The following INAVA variants were observed in gnomAD, a reference collection of about 807,000 sequenced individuals.
The protein encoded by INAVA is innate immunity activator, also known as innate immunity activator protein.
INAVA carries 32 observed loss-of-function variants against 55.3 expected under a neutral mutation model. The ratio of observed to expected loss-of-function variants is 0.58; its 90% CI spans 0.44 to 0.78. The LOEUF is 0.78. INAVA is among the 30% of genes least tolerant of loss of function. INAVA has a pLI of 0.00. For synonymous variants in INAVA, 294 were observed against 329.4 expected, an observed-to-expected ratio of 0.89 and a Z score of 1.16; for missense variants, 756 against 786.4, an observed-to-expected ratio of 0.96 and a Z score of 0.46.
At position 200,908,710 on chromosome 1, in the gene INAVA, G is replaced by A; in HGVS notation, c.575-20G>A. ...GTTCCCCCAGCCTCTGGCCTTACCAGGTTTCTTTTACTCCTGCAGAGGAAT... is the reference window on the plus strand; with the variant it reads ...GTTCCCCCAGCCTCTGGCCTTACCAAGTTTCTTTTACTCCTGCAGAGGAAT... On this transcript the variant is annotated intron_variant, in intron 6 of 9. Transcript: ENST00000413687. 6.5e-7 allele frequency: 1 copy of A among 1,530,334 alleles called. No homozygotes were observed. The highest frequency in any genetic ancestry group is 8.8e-7 in the Non-Finnish European group (1 of 1,139,368). The allele number at this position is 1,530,334 out of a possible 1,614,324, so 94.8% of individuals were successfully genotyped here.
chr1:200,902,047 G>A (rs1002788703), intron 5 of INAVA, among the ~76,000 whole-genome samples: 3 of 152,054 alleles, frequency 2.0e-5, no homozygotes, highest in South Asian at 2.1e-4. Flanking sequence ...TCTGCCCCCC[G>A]TCTCTCACAT....
chr1:200,908,771 C>T lies in INAVA; in HGVS notation c.616C>T (p.Pro206Ser). The T allele has an allele frequency of 6.2e-7, 1 of 1,608,324 alleles. No individual in the cohort carries two copies. Among genetic ancestry groups the T allele is most frequent in the African/African-American group, 1.3e-5 (1 of 74,732 alleles). ...AAAACCTCCTCCAGAGTCTCCAGCC[C>T]CACCTTCTCGGCCTCTCCCACCCCA... ...VPKPPPESPA[P>S]PSRPLPPQTL... is the part of the protein sequence containing the mutation. The change falls in exon 7 of 10, where the codon CCA becomes TCA. Residue 206 changes from proline to serine, a missense_variant. Coordinates refer to ENST00000413687, the MANE Select transcript of INAVA (RefSeq NM_001142569.3).
chr1:200,909,014 A>G lies in INAVA; in HGVS notation c.785+74A>G, dbSNP rs6680980. ...TGGGAGCTATGCTGGGGATGGCTATAGGCTGGGCAGATGGAAAAGTGGAAA... is the reference window on the plus strand; with the variant it reads ...TGGGAGCTATGCTGGGGATGGCTATGGGCTGGGCAGATGGAAAAGTGGAAA... On this transcript the variant is annotated intron_variant, in intron 7 of 9. Coordinates refer to ENST00000413687, the MANE Select transcript of INAVA (RefSeq NM_001142569.3). 6.7e-3 allele frequency: 9,685 copies of G among 1,454,166 alleles called. 425 individuals carry two copies. In the African/African-American group the frequency reaches 0.1, roughly 15 times the overall value. The allele number at this position is 1,454,166 out of a possible 1,614,324, so 90.1% of individuals were successfully genotyped here. A position where few individuals can be genotyped will look rare whatever the true frequency, so the allele number is the denominator to read the frequency against.
At chr1:200,902,754 C>T (rs1246920560) in intron 5 of INAVA, among the ~76,000 whole-genome samples, 1 of 152,262 alleles carries the variant, frequency 6.6e-6, no homozygotes, top group African/African-American at 2.4e-5. Flanking sequence ...TCCAGCCTCA[C>T]ACTGCTCAGC....
rs140358695 is a variant in INAVA at position 200,912,940 on chromosome 1, C to G, written c.1645-597C>G. Among the ~76,000 whole-genome samples the G allele has an allele frequency of 4.1e-3, 621 of 152,178 alleles. 2 individuals are homozygous for G. Among genetic ancestry groups the G allele is most frequent in the Non-Finnish European group, 4.8e-3 (327 of 68,008 alleles). On this transcript the variant is annotated intron_variant, in intron 9 of 9. Coordinates refer to ENST00000413687, the MANE Select transcript of INAVA (RefSeq NM_001142569.3). ...GGTGGCAGCCTTGGTTTCCTTGGCC[C>G]CTATTTCTTCATTCTGGAAGTGGGG... is the stretch of plus-strand genomic sequence containing the variant.
chr1:200,899,582 C>G lies in INAVA; in HGVS notation c.165C>G (p.Leu55=). The G allele has an allele frequency of 6.2e-7, 1 of 1,612,722 alleles. No homozygotes were observed. ...LEACLEELRR[L]CLREAELTGT... is the part of the protein sequence containing the mutation. ...CCTGCCTGGAGGAGCTGAGGAGACT[C>G]TGCCTTCGGGAAGCGGTGAGGCCCC... Residue 55 remains leucine (L), a synonymous_variant, in exon 3 of 10, where the codon CTC becomes CTG. Transcript: ENST00000413687.
intron 2 of INAVA, 99 bp from the exon 3 acceptor site, chr1:200,899,372 TGC>T: frequency 4.5e-6 from 3 of 666,430 alleles, no homozygotes; most frequent in Non-Finnish European, 7.2e-6. Context: ...TGTGTGTGTG[TGC>T]ATGTGTGTGC....
At chr1:200,899,700 G>A in intron 3 of INAVA, 103 bp downstream of exon 3, 1 of 1,489,012 alleles carries the variant, frequency 6.7e-7, no homozygotes, top group Non-Finnish European at 9.0e-7. Flanking sequence ...CATTCTTGAG[G>A]GAATTCTGGA....
At chr1:200,911,115 AGT>A in intron 8 of INAVA, among the ~76,000 whole-genome samples, 1 of 24,228 alleles carries the variant, frequency 4.1e-5, no homozygotes, top group African/African-American at 2.9e-4. Flanking sequence ...ACTTTAAAAA[AGT>A]ACTTAATGTA....
At chr1:200,907,946 G>C (rs1653563618) in intron 6 of INAVA, 59 bp downstream of exon 6, 1 of 1,443,292 alleles carries the variant, frequency 6.9e-7, no homozygotes, top group East Asian at 2.3e-5. Context: ...AAGACCATGG[G>C]GTTTGGGCAG....
At chr1:200,891,607 G>T (rs779979956), upstream of INAVA, 18 of 1,557,706 alleles carry the variant, frequency 1.2e-5, no homozygotes, top group Non-Finnish European at 3.5e-6. Context: ...GGCTCGGGGG[G>T]AGGGAAGATG....
intron 5 of INAVA, among the ~76,000 whole-genome samples, chr1:200,905,643 T>C (rs1342146039): frequency 6.6e-6 from 1 of 152,242 alleles, no homozygotes; most frequent in African/African-American, 2.4e-5. Context: ...GTAGGCTCTT[T>C]GGTCTTTATC....
intron 1 of INAVA, among the ~76,000 whole-genome samples, chr1:200,897,001 C>T (rs1315490946): frequency 6.6e-6 from 1 of 152,246 alleles, no homozygotes; most frequent in African/African-American, 2.4e-5. Context: ...GGGCTCCGCC[C>T]ACCCCTCCCA....
At position 200,911,794 on chromosome 1, in the gene INAVA, C is replaced by G; in HGVS notation, c.1301C>G (p.Ala434Gly). Residue 434 changes from alanine to glycine, a missense_variant, in exon 9 of 10, where the codon GCG becomes GGG. Ala to Gly is a moderately conservative substitution (Grantham distance 60). Around this residue, in one of 2 missense-constraint regions of INAVA, gnomAD observed 639 missense variants for 624.3 expected, o/e 1.02. Coordinates refer to ENST00000413687, the MANE Select transcript of INAVA (RefSeq NM_001142569.3). ...KLLLPPGYFP[A>G]GRYVVVAESP... is the part of the protein sequence containing the mutation. ...CTGCTGCCGCCTGGCTATTTCCCGG[C>G]GGGGCGGTACGTGGTGGTGGCTGAG... 2 of 1,608,666 alleles carry G rather than the reference C, an allele frequency of 1.2e-6. No homozygotes were observed. Among genetic ancestry groups the G allele is most frequent in the Non-Finnish European group, 1.7e-6 (2 of 1,177,768 alleles).
In INAVA at chr1:200,908,925, C is replaced by T; in HGVS notation, c.770C>T (p.Pro257Leu). The change falls in exon 7 of 10, where the codon CCC (proline) becomes CTC (leucine). Residue 257 changes from proline (P) to leucine (L), a missense_variant. Coordinates refer to ENST00000413687, the MANE Select transcript of INAVA (RefSeq NM_001142569.3). Reference sequence around the variant, plus strand: ...GAGAAGCCCAGGAAGTCTTCTGAGCCCTGGAGCGAGTCCAGGTCAGGATCA... The same window carrying T: ...GAGAAGCCCAGGAAGTCTTCTGAGCTCTGGAGCGAGTCCAGGTCAGGATCA... ...PYEKPRKSSEPWSESSSPATT... is the reference protein window; with the variant it reads ...PYEKPRKSSELWSESSSPATT... The T allele has an allele frequency of 6.2e-7, 1 of 1,613,058 alleles. No individual in the cohort carries two copies. The highest frequency in any genetic ancestry group is 1.1e-5 in the South Asian group (1 of 90,958).
In INAVA at chr1:200,894,908, G is replaced by C. The variant is rs936756266; in HGVS notation, c.-274G>C. On this transcript the variant is annotated 5_prime_UTR_variant, in exon 1 of 10. Coordinates refer to ENST00000413687, the MANE Select transcript of INAVA (RefSeq NM_001142569.3). ...CCTGGTTCCCCTGGCCCGGCAGCCT[G>C]GGAGGGACGGCAAGGTAGGCAGGTG... is the stretch of plus-strand genomic sequence containing the variant. 2.0e-6 allele frequency: 2 copies of C among 985,860 alleles called. No individual in the cohort carries two copies. The highest frequency in any genetic ancestry group is 2.4e-6 in the Non-Finnish European group (2 of 830,254). The allele number at this position is 985,860 out of a possible 1,614,324, so 61.1% of individuals were successfully genotyped here.
At chr1:200,907,338 A>AT (rs1250917623) in intron 5 of INAVA, among the ~76,000 whole-genome samples, 1 of 151,670 alleles carries the variant, frequency 6.6e-6, no homozygotes, top group Admixed American at 6.6e-5. Context: ...TCTGCCTTCT[A>AT]TTTTTTTCTA....
chr1:200,903,162 C>A (rs1653334915), intron 5 of INAVA: 1 of 152,188 alleles, frequency 6.6e-6, no homozygotes, highest in African/African-American at 2.4e-5. Flanking sequence ...GGAAGTAAAG[C>A]AGAATTATTA....
chr1:200,909,732 C>T (rs967774683), intron 8 of INAVA, among the ~76,000 whole-genome samples: 19 of 152,178 alleles, frequency 1.2e-4, no homozygotes, highest in African/African-American at 4.6e-4. Flanking sequence ...TCAATTGATG[C>T]ACAGTTGATT....
Sources: allele counts gnomAD v4.1 joint callset (sites outside exome capture counted in the v4.1 genomes callset), GRCh38; gene constraint gnomAD v4.1.1; regional missense constraint gnomAD v4.1.1; transcripts MANE v1.5; gene names NCBI Gene and HGNC (gene_info 2026-07-23, HGNC 2026-07-21).